Variants in NDNF observed in about 807,000 individuals in gnomAD.
NDNF encodes protein NDNF.
A neutral mutation model predicts 42.0 loss-of-function variants in NDNF; 16 were observed. The observed-to-expected ratio is 0.38, with a 90% CI of 0.26 to 0.58. NDNF has a LOEUF of 0.58. Among genes scored for constraint, NDNF ranks in the 20% least tolerant of loss-of-function variants. The probability of loss-of-function intolerance (pLI) is 0.67; values close to 1 mark genes in which losing one functional copy is unlikely to be tolerated. For synonymous variants in NDNF, 248 were observed against 251.7 expected (o/e 0.99, Z 0.14); for missense variants, 616 against 666.2 (o/e 0.92, Z 0.83).
chr4:121,044,509 T>TTA (rs905645050), intron 2 of NDNF, among the ~76,000 whole-genome samples: 39 of 149,466 alleles, frequency 2.6e-4, no homozygotes, highest in South Asian at 4.2e-4. Context: ...TATTTTTATT[T>TTA]TATATATATA....
At chr4:121,050,379 A>G (rs1385160560) in intron 1 of NDNF, among the ~76,000 whole-genome samples, 10 of 152,148 alleles carry the variant, frequency 6.6e-5, no homozygotes, top group Admixed American at 6.5e-4. Context: ...TGTTACTTCT[A>G]GGTAGGCAGA....
At chr4:121,042,207 T>G (rs1727010526) in intron 2 of NDNF, among the ~76,000 whole-genome samples, 1 of 152,230 alleles carries the variant, frequency 6.6e-6, no homozygotes, top group Admixed American at 6.5e-5. Context: ...GGTTTCTGCA[T>G]GTATGTACTT....
intron 2 of NDNF, among the ~76,000 whole-genome samples, chr4:121,040,430 T>C (rs945340494): frequency 6.6e-6 from 1 of 152,172 alleles, no homozygotes; most frequent in African/African-American, 2.4e-5. Context: ...CAAGAAAATT[T>C]CCAGGTTTGT....
At chr4:121,044,890 C>T (rs1018075038) in intron 2 of NDNF, among the ~76,000 whole-genome samples, 3 of 152,094 alleles carry the variant, frequency 2.0e-5, no homozygotes, top group Admixed American at 6.6e-5. Context: ...TGATTCATCC[C>T]GGGATGTTGA....
At chr4:121,037,763 C>T in intron 3 of NDNF, 106 bp from the exon 4 acceptor site, 2 of 702,706 alleles carry the variant, frequency 2.8e-6, no homozygotes, top group African/African-American at 1.8e-5. Flanking sequence ...GAAAATAGTA[C>T]ATGTTCATAA....
At chr4:121,037,890 A>G in intron 3 of NDNF, 3 of 385,570 alleles carry the variant, frequency 7.8e-6, no homozygotes, top group East Asian at 3.9e-5. Flanking sequence ...GCAGAATCCA[A>G]TTAGTAAAAA....
rs1726932610 is a variant in NDNF at position 121,039,130 on chromosome 4, GTTATATATAT to G, written c.313+790_313+799del. 6.4e-5 allele frequency: 4 copies of G among 62,876 alleles called. No individual in the cohort carries two copies. In the Admixed American group the frequency reaches 6.8e-4, roughly 11 times the overall value. 3.9% of individuals were successfully genotyped at this position (62,876 alleles called of 1,614,324 possible). On this transcript the variant is annotated intron_variant, in intron 3 of 3. Transcript: ENST00000379692. ...TAGCCTTTGTAGATACGTATACATAGTTATATATATATGTGTATATATATATGTATATATA... is the reference window on the plus strand; with the variant it reads ...TAGCCTTTGTAGATACGTATACATAGATGTGTATATATATATGTATATATA...
chr4:121,039,945 T>C lies in NDNF; in HGVS notation c.298A>G (p.Ser100Gly), dbSNP rs1329294369. 1.2e-6 allele frequency: 2 copies of C among 1,613,866 alleles called. No individual in the cohort carries two copies. The highest frequency in any genetic ancestry group is 2.2e-5 in the East Asian group (1 of 44,886). ...TGCTGCTTACCTGAGCCTTCCCCGC[T>C]CCTGTCCTCTGGCAGCTCCTGGAGG... ...LSLQELPEDR[S>G]GEGSGDLEPL... The change falls in exon 3 of 4, where the codon AGC becomes GGC. Residue 100 changes from serine (S) to glycine (G), a missense_variant. Coordinates refer to ENST00000379692, the MANE Select transcript of NDNF (RefSeq NM_024574.4).
intron 1 of NDNF, among the ~76,000 whole-genome samples, chr4:121,066,002 T>A (rs1026204076): frequency 7.9e-5 from 12 of 152,036 alleles, no homozygotes; most frequent in African/African-American, 2.9e-4. Flanking sequence ...AAAAGCATAT[T>A]TTTTCAGGTA....
At chr4:121,062,352 G>T (rs1307842492) in intron 1 of NDNF, among the ~76,000 whole-genome samples, 1 of 152,204 alleles carries the variant, frequency 6.6e-6, no homozygotes, top group Non-Finnish European at 1.5e-5. Context: ...GAGCGTGCTT[G>T]GGCTTTTTAG....
rs1727617556 is a variant in NDNF, at chr4:121,072,174, C to G, written c.-183G>C. On this transcript the variant is annotated 5_prime_UTR_variant, in exon 1 of 4. Coordinates refer to ENST00000379692, the MANE Select transcript of NDNF (RefSeq NM_024574.4). ...AGAAAAATTCAATCCGCTGAAGTGT[C>G]CCAACTTTGCGGTCGGCACAGCAAA... 6.6e-6 allele frequency: 1 copy of G among 152,386 alleles called. No homozygotes were observed. Among genetic ancestry groups the G allele is most frequent in the Non-Finnish European group, 1.5e-5 (1 of 68,168 alleles). 9.4% of individuals were successfully genotyped at this position (152,386 alleles called of 1,614,324 possible). A position where few individuals can be genotyped will look rare whatever the true frequency, so the allele number is the denominator to read the frequency against.
At chr4:121,061,774 A>G (rs1337020510) in intron 1 of NDNF, among the ~76,000 whole-genome samples, 1 of 152,212 alleles carries the variant, frequency 6.6e-6, no homozygotes, top group Non-Finnish European at 1.5e-5. Context: ...AAGGCTGCCA[A>G]AGCAAAATAG....
Position 121,037,654 on chromosome 4 carries a change from T to C in NDNF, c.317A>G (p.Asp106Gly). 6.4e-7 allele frequency: 1 copy of C among 1,570,908 alleles called. No homozygotes were observed. ...PEDRSGEGSG[D>G]LEPLEQQKQQ... ...CTTCTGCTGCTCAAGAGGTTCCAGATCACCTAGAAAATACAGGAGAAGCAC... is the reference window on the plus strand; with the variant it reads ...CTTCTGCTGCTCAAGAGGTTCCAGACCACCTAGAAAATACAGGAGAAGCAC... Residue 106 changes from aspartate to glycine, a missense_variant, in exon 4 of 4, where the codon GAT (aspartate) becomes GGT (glycine). Asp to Gly is a moderately conservative substitution (Grantham distance 94). Coordinates refer to ENST00000379692, the MANE Select transcript of NDNF (RefSeq NM_024574.4).
intron 3 of NDNF, among the ~76,000 whole-genome samples, chr4:121,038,359 G>GATAAA (rs533558817): frequency 0.22 from 28,898 of 130,278 alleles, 3,465 homozygotes; most frequent in Middle Eastern, 0.34. Context: ...CTCAAAATAA[G>GATAAA]ATAAAATAAA....
intron 1 of NDNF, among the ~76,000 whole-genome samples, chr4:121,058,727 T>C (rs1327908303): frequency 6.6e-6 from 1 of 152,050 alleles, no homozygotes; most frequent in Non-Finnish European, 1.5e-5. Context: ...CCAAATTTGT[T>C]CTCTTTTCTA....
intron 2 of NDNF, among the ~76,000 whole-genome samples, chr4:121,045,317 A>C (rs1314249086): frequency 6.6e-6 from 1 of 151,118 alleles, no homozygotes; most frequent in Non-Finnish European, 1.5e-5. Flanking sequence ...GTGCCACTGC[A>C]CTCCAGCCTG....
intron 1 of NDNF, among the ~76,000 whole-genome samples, chr4:121,068,981 G>A (rs1235263981): frequency 6.6e-6 from 1 of 152,120 alleles, no homozygotes; most frequent in Admixed American, 6.5e-5. Flanking sequence ...AGGCTGAAGA[G>A]AATTGCTATA....
At chr4:121,062,345 C>T (rs977004598) in intron 1 of NDNF, among the ~76,000 whole-genome samples, 2 of 152,198 alleles carry the variant, frequency 1.3e-5, no homozygotes, top group South Asian at 2.1e-4. Flanking sequence ...CAAAGCCGAG[C>T]GTGCTTGGGC....
At chr4:121,063,927 G>A (rs1310357671) in intron 1 of NDNF, among the ~76,000 whole-genome samples, 1 of 152,172 alleles carries the variant, frequency 6.6e-6, no homozygotes, top group Non-Finnish European at 1.5e-5. Flanking sequence ...AAGTGAAAGA[G>A]TTTAATCAGT....
Sources: gnomAD v4.1 joint callset for allele counts (sites outside exome capture counted in the v4.1 genomes callset) on GRCh38, gnomAD v4.1.1 for gene constraint, MANE v1.5 for transcripts, NCBI Gene and HGNC (gene_info 2026-07-23, HGNC 2026-07-21) for gene names.